The following WRN variants were observed in gnomAD, a reference collection of about 807,000 sequenced individuals.
The protein encoded by WRN is bifunctional 3'-5' exonuclease/ATP-dependent helicase WRN.
In WRN, 149 loss-of-function variants were observed where a neutral mutation model predicts 180.7. The observed-to-expected ratio is 0.82, with a 90% confidence interval of 0.72 to 0.94. The LOEUF (loss-of-function observed/expected upper bound fraction) is 0.94. WRN is among the 40% of genes least tolerant of loss of function. The probability of loss-of-function intolerance (pLI) is 0.00; values close to 1 mark genes in which losing one functional copy is unlikely to be tolerated. For missense variants in WRN, 1,661 were observed against 1,700.1 expected (o/e 0.98, Z 0.40); for synonymous variants, 548 against 568.9 (o/e 0.96, Z 0.52).
At chr8:31,092,111 G>A (rs765214150) in intron 16 of WRN, among the ~76,000 whole-genome samples, 11 of 151,802 alleles carry the variant, frequency 7.2e-5, no homozygotes, top group Non-Finnish European at 1.0e-4. Context: ...ATTTTAAAAT[G>A]CACTTTCTTT....
At chr8:31,151,441 A>T (rs913984696) in intron 31 of WRN, among the ~76,000 whole-genome samples, 1 of 152,190 alleles carries the variant, frequency 6.6e-6, no homozygotes, top group East Asian at 1.9e-4. Context: ...TTTGATATAG[A>T]GTATCTTTGG....
intron 18 of WRN, among the ~76,000 whole-genome samples, chr8:31,104,341 T>C (rs1176987065): frequency 6.6e-6 from 1 of 152,234 alleles, no homozygotes; most frequent in Admixed American, 6.5e-5. Context: ...ATATACTAAT[T>C]TGCCTCTGGT....
In WRN at chr8:31,066,889, C is replaced by T. The variant is rs1289220625; in HGVS notation, c.505-144C>T. 7.6e-6 allele frequency: 7 copies of T among 919,822 alleles called. No homozygotes were observed. In the East Asian group the frequency reaches 1.8e-4, roughly 24 times the overall value. 57.0% of individuals were successfully genotyped at this position (919,822 alleles called of 1,614,324 possible). On this transcript the variant is annotated intron_variant, in intron 5 of 34. Coordinates refer to ENST00000298139, the MANE Select transcript of WRN (RefSeq NM_000553.6). The stretch of plus-strand genomic sequence containing the variant: ...GGACTGCATATGAGGCTTTTAGTGA[C>T]AGGGAATTTGTTGAAGGCTATCTGT...
intron 15 of WRN, among the ~76,000 whole-genome samples, chr8:31,091,424 C>A (rs1813743272): frequency 1.3e-5 from 2 of 152,106 alleles, no homozygotes; most frequent in South Asian, 4.1e-4. Flanking sequence ...GGCATTTGTT[C>A]ATCAACTTGA....
intron 33 of WRN, among the ~76,000 whole-genome samples, chr8:31,158,354 G>A (rs936937870): frequency 1.1e-4 from 16 of 152,096 alleles, no homozygotes; most frequent in African/African-American, 2.9e-4. Flanking sequence ...CTCAGCTCGC[G>A]GAGAGCAAGC....
chr8:31,174,497 A>G lies in WRN; in HGVS notation c.*1395A>G, dbSNP rs1377361015. ...TGGATGTTTGGCAGACATTTTCTCA[A>G]AATTGAACTAAGTTGGCCTCTTCAC... On this transcript the variant is annotated 3_prime_UTR_variant, in exon 35 of 35. Coordinates refer to ENST00000298139, the MANE Select transcript of WRN (RefSeq NM_000553.6). Among the ~76,000 whole-genome samples the G allele has an allele frequency of 1.3e-5, 2 of 152,220 alleles. No homozygotes were observed. Among genetic ancestry groups the G allele is most frequent in the Non-Finnish European group, 2.9e-5 (2 of 68,040 alleles).
chr8:31,114,585 G>T (rs565096566), intron 19 of WRN, among the ~76,000 whole-genome samples: 1 of 152,082 alleles, frequency 6.6e-6, no homozygotes, highest in African/African-American at 2.4e-5. Flanking sequence ...AATTGAAAAG[G>T]ACTCCAATTT....
Position 31,141,563 on chromosome 8 carries a change from A to G in WRN, c.3101A>G (p.Tyr1034Cys). 1 of 1,614,178 alleles carries G rather than the reference A, an allele frequency of 6.2e-7. No individual in the cohort carries two copies. The highest frequency in any genetic ancestry group is 8.5e-7 in the Non-Finnish European group (1 of 1,180,036). The part of the protein sequence containing the change: ...TEGFLVEVSR[Y>C]NKFMKICALT... Reference sequence around the variant, plus strand: ...GGATTCTTGGTAGAAGTTTCTCGGTATAACAAATTTATGAAGATTTGCGCC... The same window carrying G: ...GGATTCTTGGTAGAAGTTTCTCGGTGTAACAAATTTATGAAGATTTGCGCC... The change falls in exon 25 of 35, where the codon TAT (tyrosine) becomes TGT (cysteine). Residue 1034 changes from tyrosine (Y) to cysteine (C), a missense_variant. Tyr to Cys is a radical substitution (Grantham distance 194, BLOSUM62 -2). Transcript: ENST00000298139.
intron 1 of WRN, among the ~76,000 whole-genome samples, chr8:31,051,950 T>A (rs1812091281): frequency 6.6e-6 from 1 of 152,250 alleles, no homozygotes; most frequent in African/African-American, 2.4e-5. Context: ...AATAATATTT[T>A]ATGAAATTTA....
At chr8:31,067,660 T>G (rs1204569631) in intron 6 of WRN, among the ~76,000 whole-genome samples, 1 of 152,328 alleles carries the variant, frequency 6.6e-6, no homozygotes, top group South Asian at 2.1e-4. Context: ...ATTAGATATA[T>G]TTTTATATTT....
At chr8:31,156,529 A>G (rs1344529036) in intron 32 of WRN, among the ~76,000 whole-genome samples, 1 of 152,266 alleles carries the variant, frequency 6.6e-6, no homozygotes, top group East Asian at 1.9e-4. Flanking sequence ...ATTTAATGAA[A>G]GTAATTTAAA....
intron 1 of WRN, among the ~76,000 whole-genome samples, chr8:31,039,403 A>G (rs563630979): frequency 6.6e-6 from 1 of 151,178 alleles, no homozygotes; most frequent in African/African-American, 2.4e-5. Context: ...TGATATTTCA[A>G]CGTTGATGTT....
chr8:31,066,605 T>G (rs1383679294), intron 5 of WRN, among the ~76,000 whole-genome samples: 2 of 152,126 alleles, frequency 1.3e-5, no homozygotes, highest in African/African-American at 4.8e-5. Context: ...AAAAAATTTT[T>G]TTTTTTTTAA....
At chr8:31,103,428 C>T (rs548387942) in intron 18 of WRN, among the ~76,000 whole-genome samples, 1 of 152,302 alleles carries the variant, frequency 6.6e-6, no homozygotes, top group African/African-American at 2.4e-5. Flanking sequence ...TGAGCAGTGC[C>T]TTGTGCTAAG....
chr8:31,081,629 T>G (rs541689596), intron 9 of WRN, among the ~76,000 whole-genome samples: 15 of 152,366 alleles, frequency 9.8e-5, no homozygotes, highest in Admixed American at 8.5e-4. Context: ...GTTTGCTATT[T>G]TATAATTTCG....
At chr8:31,100,779 A>C (rs2130228198) in intron 17 of WRN, 70 bp from the exon 18 acceptor site, 1 of 1,245,386 alleles carries the variant, frequency 8.0e-7, no homozygotes, top group South Asian at 1.3e-5. Context: ...TCTCCTTTGG[A>C]GATGTAGATG....
At chr8:31,096,902 G>A in intron 17 of WRN, 52 bp downstream of exon 17, 1 of 1,516,128 alleles carries the variant, frequency 6.6e-7, no homozygotes, top group Non-Finnish European at 9.1e-7. Flanking sequence ...AATATTTAAA[G>A]TTAAACCTAT....
chr8:31,047,938 G>A (rs948248006), intron 1 of WRN, among the ~76,000 whole-genome samples: 4 of 152,210 alleles, frequency 2.6e-5, no homozygotes, highest in African/African-American at 9.7e-5. Context: ...TATGGGCAGT[G>A]TGGCTTCTCA....
chr8:31,133,551 T>C (rs1185059919), intron 24 of WRN, among the ~76,000 whole-genome samples: 1 of 152,126 alleles, frequency 6.6e-6, no homozygotes, highest in Non-Finnish European at 1.5e-5. Flanking sequence ...GAAACATATT[T>C]ATTAAATTAG....
Sources: gnomAD v4.1 joint callset for allele counts (sites outside exome capture counted in the v4.1 genomes callset) on GRCh38, gnomAD v4.1.1 for gene constraint, MANE v1.5 for transcripts, NCBI Gene and HGNC (gene_info 2026-07-23, HGNC 2026-07-21) for gene names.